Variants in KCNQ5 observed in about 807,000 individuals in gnomAD.
KCNQ5 encodes potassium voltage-gated channel subfamily KQT member 5.
A neutral mutation model predicts 98.2 loss-of-function variants in KCNQ5; 30 were observed. The observed-to-expected ratio is 0.31, with a 90% CI of 0.23 to 0.41. The LOEUF (loss-of-function observed/expected upper bound fraction) is 0.41, where lower values mean the gene tolerates loss of function less well. Ranked by LOEUF, KCNQ5 falls within the 10% of genes least tolerant of loss-of-function variation. The pLI is 1.00. For missense variants in KCNQ5, 835 were observed against 1,182.5 expected, an observed-to-expected ratio of 0.71 and a Z score of 4.31; for synonymous variants, 458 against 449.4, an observed-to-expected ratio of 1.02 and a Z score of -0.24.
At chr6:72,951,213 T>C (rs961263905) in intron 1 of KCNQ5, among the ~76,000 whole-genome samples, 3 of 152,214 alleles carry the variant, frequency 2.0e-5, no homozygotes, top group African/African-American at 7.2e-5. Context: ...AATTATTCTG[T>C]TAAATTAATT....
intron 3 of KCNQ5, among the ~76,000 whole-genome samples, chr6:73,047,257 A>G (rs943007134): frequency 6.6e-6 from 1 of 152,240 alleles, no homozygotes; most frequent in African/African-American, 2.4e-5. Flanking sequence ...TAATTGCAGT[A>G]TCAGCCTTAA....
chr6:73,192,882 A>G (rs1765643757), intron 13 of KCNQ5, among the ~76,000 whole-genome samples, 191 bp downstream of exon 13: 1 of 152,144 alleles, frequency 6.6e-6, no homozygotes, highest in African/African-American at 2.4e-5. Context: ...TAAGGAATAG[A>G]AAATCTCATC....
At chr6:72,804,145 C>T (rs73541794) in intron 1 of KCNQ5, among the ~76,000 whole-genome samples, 6 of 152,130 alleles carry the variant, frequency 3.9e-5, no homozygotes, top group Non-Finnish European at 8.8e-5. Context: ...CACATCACCT[C>T]AAGCATTTAT....
chr6:72,763,648 T>C (rs1413412121), intron 1 of KCNQ5, among the ~76,000 whole-genome samples: 1 of 152,046 alleles, frequency 6.6e-6, no homozygotes, highest in Admixed American at 6.6e-5. Flanking sequence ...AGGCTTCTAT[T>C]GTAATTTCTG....
chr6:72,962,237 A>G (rs1467137843), intron 1 of KCNQ5, among the ~76,000 whole-genome samples: 3 of 145,726 alleles, frequency 2.1e-5, no homozygotes, highest in Non-Finnish European at 4.5e-5. Context: ...ATATATATAT[A>G]CACATATATA....
intron 1 of KCNQ5, among the ~76,000 whole-genome samples, chr6:72,810,740 G>C (rs1775201046): frequency 6.6e-6 from 1 of 152,066 alleles, no homozygotes; most frequent in Non-Finnish European, 1.5e-5. Flanking sequence ...GTGCCTCTTT[G>C]GGCATGCTTA....
chr6:73,024,287 G>A (rs1256725462), intron 2 of KCNQ5, among the ~76,000 whole-genome samples: 1 of 151,746 alleles, frequency 6.6e-6, no homozygotes, highest in Admixed American at 6.6e-5. Context: ...CAAAGGACAA[G>A]GTAATTAAAC....
chr6:73,083,258 AT>A (rs1455949817), intron 5 of KCNQ5, among the ~76,000 whole-genome samples: 1 of 152,168 alleles, frequency 6.6e-6, no homozygotes, highest in African/African-American at 2.4e-5. Flanking sequence ...ATTTTATATT[AT>A]TGCATAAACT....
Position 73,105,398 on chromosome 6 carries a change from A to C in KCNQ5, c.1029+31A>C, listed in dbSNP as rs778912698. ...TATCTTTGCACCAATAAAGCAGTTT[A>C]AATTAGATCTTAGAGACTTATTAGA... On this transcript the variant is annotated intron_variant, in intron 6 of 13. Transcript: ENST00000370398. 16 of 1,391,434 alleles carry C rather than the reference A, an allele frequency of 1.1e-5. No individual in the cohort carries two copies. In the East Asian group the frequency reaches 3.7e-4, roughly 32 times the overall value. 86.2% of individuals were successfully genotyped at this position (1,391,434 alleles called of 1,614,324 possible).
intron 1 of KCNQ5, among the ~76,000 whole-genome samples, chr6:72,889,541 C>A (rs1241145338): frequency 1.3e-5 from 2 of 152,138 alleles, no homozygotes; most frequent in African/African-American, 4.8e-5. Context: ...GTAAGAGAAA[C>A]AAACTCACCT....
At chr6:72,802,956 A>G (rs1405545186) in intron 1 of KCNQ5, among the ~76,000 whole-genome samples, 2 of 152,130 alleles carry the variant, frequency 1.3e-5, no homozygotes, top group African/African-American at 4.8e-5. Flanking sequence ...CTATTTCCTT[A>G]TGATTCTTCC....
At chr6:72,743,648 A>G (rs2154476273) in intron 1 of KCNQ5, among the ~76,000 whole-genome samples, 1 of 152,292 alleles carries the variant, frequency 6.6e-6, no homozygotes, top group African/African-American at 2.4e-5. Flanking sequence ...CTTTGTATCT[A>G]TTACAAACAA....
intron 1 of KCNQ5, among the ~76,000 whole-genome samples, chr6:72,955,440 T>C (rs562083571): frequency 6.6e-6 from 1 of 152,362 alleles, no homozygotes; most frequent in Non-Finnish European, 1.5e-5. Flanking sequence ...GGTAATTTTG[T>C]TCTTTTGCCT....
At chr6:72,902,361 A>G (rs1441486208) in intron 1 of KCNQ5, among the ~76,000 whole-genome samples, 1 of 152,206 alleles carries the variant, frequency 6.6e-6, no homozygotes, top group Non-Finnish European at 1.5e-5. Context: ...CGCTCTGGCT[A>G]GGACTTCCAG....
intron 1 of KCNQ5, among the ~76,000 whole-genome samples, chr6:72,762,911 A>C (rs1260534848): frequency 6.6e-6 from 1 of 152,024 alleles, no homozygotes; most frequent in Non-Finnish European, 1.5e-5. Flanking sequence ...TCTTCCCAAG[A>C]TATAATAGTA....
At chr6:72,777,778 A>G (rs1773233327) in intron 1 of KCNQ5, among the ~76,000 whole-genome samples, 1 of 152,096 alleles carries the variant, frequency 6.6e-6, no homozygotes, top group Non-Finnish European at 1.5e-5. Flanking sequence ...GCCTGCCCTA[A>G]ATTTCAGGTA....
intron 9 of KCNQ5, 105 bp from the exon 10 acceptor site, chr6:73,133,316 T>A (rs150933317): frequency 1.1e-4 from 106 of 930,696 alleles, no homozygotes; most frequent in Non-Finnish European, 1.6e-4. Flanking sequence ...TGAAAACATC[T>A]TGTCTATTGA....
chr6:73,100,232 C>T (rs1483504407), intron 5 of KCNQ5, among the ~76,000 whole-genome samples: 1 of 152,116 alleles, frequency 6.6e-6, no homozygotes, highest in Non-Finnish European at 1.5e-5. Context: ...AAAGTGCTTA[C>T]ATCAGTAAAG....
At chr6:73,047,724 A>G (rs1026640259) in intron 3 of KCNQ5, among the ~76,000 whole-genome samples, 1 of 152,226 alleles carries the variant, frequency 6.6e-6, no homozygotes, top group South Asian at 2.1e-4. Context: ...GGTATTTATT[A>G]TGTGTCAAAC....
Sources: allele counts gnomAD v4.1 joint callset (sites outside exome capture counted in the v4.1 genomes callset), GRCh38; gene constraint gnomAD v4.1.1; transcripts MANE v1.5; gene names NCBI Gene and HGNC (gene_info 2026-07-23, HGNC 2026-07-21).